The following ERC2 variants were observed in gnomAD, a reference collection of about 807,000 sequenced individuals.
ERC2 encodes the protein ERC protein 2.
A neutral mutation model predicts 114.8 loss-of-function variants in ERC2; 42 were observed. The observed-to-expected ratio is 0.37, with a 90% CI of 0.29 to 0.47. ERC2 has a LOEUF of 0.47. ERC2 is among the 20% of genes least tolerant of loss of function. ERC2 has a pLI of 0.99. For synonymous variants in ERC2, 454 were observed against 425.5 expected (o/e 1.07, Z -0.82); for missense variants, 939 against 1,150.7 (o/e 0.82, Z 2.66).
At chr3:55,642,339 T>C (rs1176832958) in intron 17 of ERC2, among the ~76,000 whole-genome samples, 1 of 47,876 alleles carries the variant, frequency 2.1e-5, no homozygotes, top group Non-Finnish European at 7.3e-5. Context: ...TTCTTTTCTT[T>C]TTTTTTTTCT....
chr3:56,079,702 G>A (rs2077138068), intron 7 of ERC2, among the ~76,000 whole-genome samples: 1 of 151,962 alleles, frequency 6.6e-6, no homozygotes, highest in African/African-American at 2.4e-5. Flanking sequence ...TTGGGACAGG[G>A]GTGTCATGTT....
chr3:55,726,388 C>T (rs1288779962), intron 15 of ERC2, among the ~76,000 whole-genome samples: 3 of 152,220 alleles, frequency 2.0e-5, no homozygotes, highest in Admixed American at 6.5e-5. Flanking sequence ...ACATGAAGCA[C>T]TGAAAGTGTA....
chr3:55,694,441 C>T (rs796763096), intron 16 of ERC2, among the ~76,000 whole-genome samples: 57 of 152,296 alleles, frequency 3.7e-4, no homozygotes, highest in African/African-American at 1.3e-3. Flanking sequence ...TTTTCTGTAA[C>T]TGATCACATA....
intron 15 of ERC2, among the ~76,000 whole-genome samples, chr3:55,731,404 A>G (rs1380472741): frequency 2.6e-5 from 4 of 152,254 alleles, no homozygotes; most frequent in African/African-American, 7.2e-5. Flanking sequence ...TAGTAGTTGC[A>G]ATAGCAGCTT....
chr3:55,555,866 C>T (rs774931750), intron 17 of ERC2, among the ~76,000 whole-genome samples: 3 of 152,174 alleles, frequency 2.0e-5, no homozygotes, highest in East Asian at 1.9e-4. Flanking sequence ...GCTCAGAAAA[C>T]GGGTCACCGA....
intron 13 of ERC2, among the ~76,000 whole-genome samples, chr3:55,923,245 C>A (rs773032374): frequency 7.9e-5 from 12 of 152,036 alleles, no homozygotes; most frequent in Non-Finnish European, 1.0e-4. Context: ...CACAGATGAA[C>A]CCTGAAGACA....
intron 2 of ERC2, among the ~76,000 whole-genome samples, chr3:56,406,320 C>T (rs534196668): frequency 1.3e-3 from 193 of 152,294 alleles, no homozygotes; most frequent in African/African-American, 4.3e-3. Context: ...TCCATCTCAC[C>T]GAAAGAAGGT....
chr3:55,628,798 T>C (rs139488371), intron 17 of ERC2, among the ~76,000 whole-genome samples: 1 of 152,338 alleles, frequency 6.6e-6, no homozygotes, highest in East Asian at 1.9e-4. Context: ...TTGAATCCAA[T>C]GTGACACTGA....
At position 55,765,113 on chromosome 3, in the gene ERC2, C is replaced by CA. The variant is rs544122838; in HGVS notation, c.2565-30196dup. ...AAATAGGTCAAAACTGAGTCTCCTACAAGTCCACATGATCTATTTCTTTCT... is the reference window on the plus strand; with the variant it reads ...AAATAGGTCAAAACTGAGTCTCCTACAAAGTCCACATGATCTATTTCTTTCT... On this transcript the variant is annotated intron_variant, in intron 14 of 17. Transcript: ENST00000288221. 4.3e-3 allele frequency among the ~76,000 whole-genome samples: 653 copies of CA among 152,290 alleles called. 6 individuals are homozygous for CA. Among genetic ancestry groups the CA allele is most frequent in the African/African-American group, 0.015 (621 of 41,558 alleles).
intron 14 of ERC2, among the ~76,000 whole-genome samples, chr3:55,787,205 C>T (rs570651109): frequency 1.3e-5 from 2 of 152,158 alleles, no homozygotes; most frequent in South Asian, 2.1e-4. Flanking sequence ...GGCTTAAGCC[C>T]GGGAATTTGA....
intron 13 of ERC2, among the ~76,000 whole-genome samples, chr3:55,892,727 T>A (rs1242321419): frequency 2.6e-5 from 4 of 152,192 alleles, no homozygotes; most frequent in African/African-American, 9.7e-5. Flanking sequence ...AGATGCTACA[T>A]ATAAATATAT....
At chr3:56,027,916 T>C (rs575478051) in intron 7 of ERC2, among the ~76,000 whole-genome samples, 2 of 152,342 alleles carry the variant, frequency 1.3e-5, no homozygotes, top group African/African-American at 4.8e-5. Context: ...CTAACAAATT[T>C]ATACTTTCAT....
intron 16 of ERC2, among the ~76,000 whole-genome samples, chr3:55,694,008 A>G (rs1005955359): frequency 1.6e-4 from 24 of 152,326 alleles, no homozygotes; most frequent in African/African-American, 3.8e-4. Context: ...TGCGCCCGGC[A>G]AAGATGACAT....
At chr3:55,854,097 A>G (rs1432197482) in intron 14 of ERC2, among the ~76,000 whole-genome samples, 1 of 152,108 alleles carries the variant, frequency 6.6e-6, no homozygotes, top group African/African-American at 2.4e-5. Flanking sequence ...CAATATGGTA[A>G]AAACCCGTCG....
At chr3:56,270,165 C>T (rs1308578648) in intron 3 of ERC2, among the ~76,000 whole-genome samples, 1 of 146,674 alleles carries the variant, frequency 6.8e-6, no homozygotes, top group Non-Finnish European at 1.5e-5. Context: ...GGCACAAGAG[C>T]ACCTAAAAAA....
At chr3:55,896,839 G>GA (rs1332873454) in intron 13 of ERC2, among the ~76,000 whole-genome samples, 1 of 152,102 alleles carries the variant, frequency 6.6e-6, no homozygotes, top group African/African-American at 2.4e-5. Context: ...TACAAAAAAA[G>GA]AAAAAACCCT....
At chr3:56,092,462 C>T (rs1174785076) in intron 6 of ERC2, among the ~76,000 whole-genome samples, 1 of 152,152 alleles carries the variant, frequency 6.6e-6, no homozygotes, top group Non-Finnish European at 1.5e-5. Flanking sequence ...AAATTTAATG[C>T]TCAGTTCAGT....
intron 14 of ERC2, among the ~76,000 whole-genome samples, chr3:55,782,457 C>T (rs1010284685): frequency 6.6e-6 from 1 of 152,182 alleles, no homozygotes; most frequent in Admixed American, 6.5e-5. Context: ...TGAATCAGTA[C>T]CCGTCTCTCC....
intron 17 of ERC2, among the ~76,000 whole-genome samples, chr3:55,535,814 C>T (rs1372025142): frequency 1.3e-5 from 2 of 152,070 alleles, no homozygotes; most frequent in Admixed American, 6.6e-5. Flanking sequence ...GCCAACATGG[C>T]GAAATTCTGT....
Sources: gnomAD v4.1 joint callset for allele counts (sites outside exome capture counted in the v4.1 genomes callset) on GRCh38, gnomAD v4.1.1 for gene constraint, MANE v1.5 for transcripts, NCBI Gene and HGNC (gene_info 2026-07-23, HGNC 2026-07-21) for gene names.